MAP2K6: variants seen among roughly 807,000 people sequenced by gnomAD.
The protein encoded by MAP2K6 is dual specificity mitogen-activated protein kinase kinase 6.
MAP2K6 carries 16 observed loss-of-function variants against 53.7 expected under a neutral mutation model. The observed-to-expected ratio is 0.30, with a 90% confidence interval of 0.20 to 0.45. The LOEUF is 0.45. MAP2K6 is among the 20% of genes least tolerant of loss of function. MAP2K6 has a pLI of 1.00. For synonymous variants in MAP2K6, 132 were observed against 143.1 expected, an observed-to-expected ratio of 0.92 and a Z score of 0.55; for missense variants, 204 against 411.9, an observed-to-expected ratio of 0.50 and a Z score of 4.37.
chr17:69,514,540 T>A (rs1291563034), intron 2 of MAP2K6, among the ~76,000 whole-genome samples: 1 of 152,086 alleles, frequency 6.6e-6, no homozygotes, highest in Non-Finnish European at 1.5e-5. Context: ...CATGTTTATA[T>A]CTGTATTTGT....
intron 1 of MAP2K6, among the ~76,000 whole-genome samples, chr17:69,492,654 C>T (rs1044954870): frequency 6.6e-6 from 1 of 152,176 alleles, no homozygotes; most frequent in African/African-American, 2.4e-5. Flanking sequence ...AGCTGCATCA[C>T]CAAAGTCTCT....
At chr17:69,478,504 C>T (rs139019906) in intron 1 of MAP2K6, among the ~76,000 whole-genome samples, 123 of 152,336 alleles carry the variant, frequency 8.1e-4, no homozygotes, top group African/African-American at 2.6e-3. Flanking sequence ...TCAATCTCAG[C>T]TCATTGCAAC....
intron 1 of MAP2K6, among the ~76,000 whole-genome samples, chr17:69,442,646 T>A: frequency 6.6e-6 from 1 of 152,224 alleles, no homozygotes; most frequent in South Asian, 2.1e-4. Context: ...GTAACTAAAT[T>A]GCAGTTCAAT....
chr17:69,502,815 C>T, intron 1 of MAP2K6: 1 of 553,396 alleles, frequency 1.8e-6, no homozygotes, highest in Non-Finnish European at 2.3e-6. Flanking sequence ...TTCCTTTGGT[C>T]TCTGTGCTAA....
chr17:69,520,984 A>G (rs182968958), intron 6 of MAP2K6, 65 bp from the exon 7 acceptor site: 1 of 1,300,556 alleles, frequency 7.7e-7, no homozygotes, highest in African/African-American at 1.5e-5. Flanking sequence ...AAACCTTGAT[A>G]TACTTAACAT....
In MAP2K6 at chr17:69,494,062, C is replaced by G. The variant is rs1024002753; in HGVS notation, c.17-11718C>G. On this transcript the variant is annotated intron_variant, in intron 1 of 11. Transcript: ENST00000590474. This position sits in a 1 kb window ranked among gnomAD's most constrained non-coding sequence, Gnocchi z 4.2. ...CAAGTTGAATCTGATCAATTTCTAA[C>G]CAACAGAGGGATGTGTGAGTCAATA... 6.6e-6 allele frequency among the ~76,000 whole-genome samples: 1 copy of G among 152,174 alleles called. No individual in the cohort carries two copies. Among genetic ancestry groups the G allele is most frequent in the Non-Finnish European group, 1.5e-5 (1 of 68,042 alleles).
At chr17:69,522,646 T>A (rs1910537735) in intron 7 of MAP2K6, among the ~76,000 whole-genome samples, 1 of 152,172 alleles carries the variant, frequency 6.6e-6, no homozygotes. Flanking sequence ...TCGTTTAAAA[T>A]CTGGTCTGTA....
intron 1 of MAP2K6, among the ~76,000 whole-genome samples, chr17:69,495,030 C>CA (rs1908892308): frequency 7.0e-6 from 1 of 142,160 alleles, no homozygotes; most frequent in South Asian, 2.3e-4. Flanking sequence ...AACCAAAAAA[C>CA]AAAACAAAAC....
At chr17:69,439,015 T>A (rs1346730025) in intron 1 of MAP2K6, among the ~76,000 whole-genome samples, 1 of 152,224 alleles carries the variant, frequency 6.6e-6, no homozygotes, top group African/African-American at 2.4e-5. Flanking sequence ...AGCTCTGTGT[T>A]TGTACTGCAA....
chr17:69,443,055 C>T (rs1906870262), intron 1 of MAP2K6, among the ~76,000 whole-genome samples: 1 of 152,144 alleles, frequency 6.6e-6, no homozygotes, highest in Non-Finnish European at 1.5e-5. Flanking sequence ...CCCACCCAGA[C>T]CATCCAGTTT....
intron 7 of MAP2K6, chr17:69,521,623 C>T (rs1408344771): frequency 6.6e-6 from 1 of 152,138 alleles, no homozygotes; most frequent in African/African-American, 2.4e-5. Flanking sequence ...GGCCTGTTAT[C>T]TCTTCAACCA....
At chr17:69,540,861 T>C (rs1911580276) in intron 11 of MAP2K6, among the ~76,000 whole-genome samples, 1 of 152,228 alleles carries the variant, frequency 6.6e-6, no homozygotes, top group Non-Finnish European at 1.5e-5. Context: ...TTAACTGTTT[T>C]AGTCTAAACC....
intron 11 of MAP2K6, among the ~76,000 whole-genome samples, chr17:69,540,832 C>G (rs755928500): frequency 6.6e-6 from 1 of 152,174 alleles, no homozygotes; most frequent in Non-Finnish European, 1.5e-5. Flanking sequence ...AAATAAAGCT[C>G]GTGGCTTGGC....
chr17:69,493,274 A>G (rs1908818341), intron 1 of MAP2K6, among the ~76,000 whole-genome samples: 2 of 149,720 alleles, frequency 1.3e-5, no homozygotes, highest in Non-Finnish European at 3.0e-5. Flanking sequence ...AAAATTTTAT[A>G]TAACCAAAAA....
chr17:69,421,894 C>A (rs942038184), intron 1 of MAP2K6, among the ~76,000 whole-genome samples: 2 of 151,766 alleles, frequency 1.3e-5, no homozygotes, highest in African/African-American at 4.8e-5. Flanking sequence ...CAGGGAACTT[C>A]GCAAGGATCA....
Position 69,544,385 on chromosome 17 carries a change from T to G in MAP2K6, c.*2632T>G, listed in dbSNP as rs1257498781. The G allele has an allele frequency of 6.6e-6, 1 of 152,240 alleles. No individual in the cohort carries two copies. Among genetic ancestry groups the G allele is most frequent in the Non-Finnish European group, 1.5e-5 (1 of 68,046 alleles). 9.4% of individuals were successfully genotyped at this position (152,240 alleles called of 1,614,324 possible). ...GAGCATGGTTTTGTTTTTGGAAAAC[T>G]GTGTTGTAAGTGCCAATCAACCAAC... On this transcript the variant is annotated 3_prime_UTR_variant, in exon 12 of 12. Transcript: ENST00000590474.
chr17:69,462,816 C>T (rs182742368), intron 1 of MAP2K6, among the ~76,000 whole-genome samples: 52 of 152,066 alleles, frequency 3.4e-4, no homozygotes, highest in Middle Eastern at 3.4e-3. Context: ...TGTTTTTGGC[C>T]GGGCATGGTG....
At position 69,417,390 on chromosome 17, in the gene MAP2K6, C is replaced by T. The variant is rs150297952; in HGVS notation, c.16+2390C>T. On this transcript the variant is annotated intron_variant, in intron 1 of 11. Coordinates refer to ENST00000590474, the MANE Select transcript of MAP2K6 (RefSeq NM_002758.4). ...ACGAACTTTCTAGATCACTATAATT[C>T]GGTTTAACAGACCTCTAATTTAAGG... Among the ~76,000 whole-genome samples, 59 of 152,134 alleles carry T rather than the reference C, an allele frequency of 3.9e-4. No homozygotes were observed. In the East Asian group the frequency reaches 6.0e-3, roughly 15 times the overall value.
intron 1 of MAP2K6, among the ~76,000 whole-genome samples, chr17:69,451,220 G>A (rs7223220): frequency 1.3e-5 from 2 of 152,126 alleles, no homozygotes; most frequent in African/African-American, 2.4e-5. Context: ...TGGGAACTGG[G>A]TATTAAATAG....
Sources: gnomAD v4.1 joint callset for allele counts (sites outside exome capture counted in the v4.1 genomes callset) on GRCh38, gnomAD v4.1.1 for gene constraint, Gnocchi (gnomAD v3.1) non-coding constraint, MANE v1.5 for transcripts, NCBI Gene and HGNC (gene_info 2026-07-23, HGNC 2026-07-21) for gene names.